ALDH9A1: variants seen among roughly 807,000 people sequenced by gnomAD.
ALDH9A1 encodes the protein aldehyde dehydrogenase 9 family member A1.
In ALDH9A1, 42 loss-of-function variants were observed where a neutral mutation model predicts 56.6. The ratio of observed to expected loss-of-function variants is 0.74; its 90% CI spans 0.58 to 0.96. ALDH9A1 has a LOEUF of 0.96. Among genes scored for constraint, ALDH9A1 ranks in the 40% least tolerant of loss-of-function variants. The pLI is 0.00. For synonymous variants in ALDH9A1, 242 were observed against 236.0 expected, an observed-to-expected ratio of 1.03 and a Z score of -0.23; for missense variants, 661 against 651.5, an observed-to-expected ratio of 1.01 and a Z score of -0.16.
At chr1:165,665,776 G>A (rs1266421424) in intron 9 of ALDH9A1, among the ~76,000 whole-genome samples, 1 of 152,192 alleles carries the variant, frequency 6.6e-6, no homozygotes, top group Admixed American at 6.5e-5. Flanking sequence ...TGGTGAGGAT[G>A]TGGACAAATT....
Position 165,683,706 on chromosome 1 carries a change from A to C in ALDH9A1, c.328-596T>G, listed in dbSNP as rs1383889920. Among the ~76,000 whole-genome samples, 5 of 152,376 alleles carry C rather than the reference A, an allele frequency of 3.3e-5. No homozygotes were observed. The East Asian group carries it at 9.6e-4, about 29-fold the overall frequency. ...ATATTCTCTTCTAATATTTTCTAATACTTAGCATTCAATCAATACTATTTT... is the reference window on the plus strand; with the variant it reads ...ATATTCTCTTCTAATATTTTCTAATCCTTAGCATTCAATCAATACTATTTT... On this transcript the variant is annotated intron_variant, in intron 2 of 10. Coordinates refer to ENST00000354775, the MANE Select transcript of ALDH9A1 (RefSeq NM_000696.4).
At chr1:165,684,299 A>T (rs1430444501) in intron 2 of ALDH9A1, among the ~76,000 whole-genome samples, 2 of 152,194 alleles carry the variant, frequency 1.3e-5, no homozygotes, top group African/African-American at 2.4e-5. Flanking sequence ...CACATTTTAA[A>T]TCAATATTGC....
chr1:165,669,813 C>G (rs1649121588), intron 6 of ALDH9A1, among the ~76,000 whole-genome samples: 1 of 152,052 alleles, frequency 6.6e-6, no homozygotes, highest in Non-Finnish European at 1.5e-5. Context: ...TAACAGTAAA[C>G]CTATATCAAG....
In ALDH9A1 at chr1:165,683,089, T is replaced by C. The variant is rs947307751; in HGVS notation, c.349A>G (p.Thr117Ala). The C allele has an allele frequency of 8.1e-6, 13 of 1,614,080 alleles. No homozygotes were observed. The highest frequency in any genetic ancestry group is 1.1e-5 in the South Asian group (1 of 91,078). The change falls in exon 3 of 11, where the codon ACT (threonine) becomes GCT (alanine). Residue 117 changes from threonine to alanine, a missense_variant. Coordinates refer to ENST00000354775, the MANE Select transcript of ALDH9A1 (RefSeq NM_000696.4). ...TTGCCATTGTTGATGCACTCCATAG[T>C]AGCAATTTCATCCTCCCGTTCCTTT... ...IIREREDEIA[T>A]MECINNGKSI... is the part of the protein sequence containing the mutation.
At chr1:165,676,696 C>A in intron 6 of ALDH9A1, 2 of 450,446 alleles carry the variant, frequency 4.4e-6, no homozygotes, top group Non-Finnish European at 8.6e-6. Flanking sequence ...GAAGCACCAG[C>A]CTACTCCACC....
intron 2 of ALDH9A1, among the ~76,000 whole-genome samples, chr1:165,687,843 C>T (rs56946978): frequency 0.036 from 5,449 of 151,898 alleles, 324 homozygotes; most frequent in African/African-American, 0.12. Flanking sequence ...CAAAAATTAG[C>T]CAGGCATGGT....
At chr1:165,683,170 A>G in intron 2 of ALDH9A1, 60 bp from the exon 3 acceptor site, 1 of 1,544,848 alleles carries the variant, frequency 6.5e-7, no homozygotes, top group Non-Finnish European at 8.9e-7. Context: ...GATGTAATTA[A>G]TGCTTAAATA....
intron 7 of ALDH9A1, 110 bp from the exon 8 acceptor site, chr1:165,669,123 A>G: frequency 5.3e-6 from 7 of 1,316,620 alleles, no homozygotes; most frequent in Non-Finnish European, 7.4e-6. Flanking sequence ...GTGCAGGTAC[A>G]AAGCAGAACA....
At chr1:165,669,656 C>A (rs1408364840) in intron 6 of ALDH9A1, among the ~76,000 whole-genome samples, 2 of 152,090 alleles carry the variant, frequency 1.3e-5, no homozygotes, top group Non-Finnish European at 2.9e-5. Context: ...CAAGCAAAAT[C>A]TGCCCTTTGA....
intron 6 of ALDH9A1, among the ~76,000 whole-genome samples, chr1:165,672,256 T>C (rs1489546822): frequency 6.6e-6 from 1 of 152,196 alleles, no homozygotes; most frequent in Non-Finnish European, 1.5e-5. Flanking sequence ...AAATGTGGTA[T>C]GTGTGTGCTG....
At chr1:165,694,053 C>T (rs534601934) in intron 2 of ALDH9A1, among the ~76,000 whole-genome samples, 1 of 50,438 alleles carries the variant, frequency 2.0e-5, no homozygotes, top group East Asian at 5.0e-4. Flanking sequence ...CATCACACAC[C>T]GGGGCCGTAG....
At chr1:165,693,152 T>C (rs549575094) in intron 2 of ALDH9A1, among the ~76,000 whole-genome samples, 2 of 152,288 alleles carry the variant, frequency 1.3e-5, no homozygotes, top group Non-Finnish European at 2.9e-5. Context: ...GACACAGGCA[T>C]GGGCAAGGAC....
intron 4 of ALDH9A1, among the ~76,000 whole-genome samples, chr1:165,681,745 G>A (rs1649558200): frequency 6.6e-6 from 1 of 152,156 alleles, no homozygotes; most frequent in African/African-American, 2.4e-5. Context: ...CGTAAATGAA[G>A]TCAAACTCCT....
At chr1:165,667,215 A>C in intron 9 of ALDH9A1, 94 bp downstream of exon 9, 1 of 1,510,010 alleles carries the variant, frequency 6.6e-7, no homozygotes, top group Non-Finnish European at 8.9e-7. Flanking sequence ...CTATGAGGGC[A>C]AACTAAAGTG....
intron 6 of ALDH9A1, among the ~76,000 whole-genome samples, chr1:165,677,061 T>TA (rs1293310351): frequency 6.6e-6 from 1 of 151,792 alleles, no homozygotes; most frequent in Non-Finnish European, 1.5e-5. Context: ...TTCTAAATCA[T>TA]AAAAAAAAGT....
intron 2 of ALDH9A1, among the ~76,000 whole-genome samples, chr1:165,694,208 TAA>T (rs755415401): frequency 2.4e-4 from 28 of 114,436 alleles, no homozygotes; most frequent in Non-Finnish European, 2.1e-4. Context: ...AACTTAAGTA[TAA>T]AAAAAAAAAA....
In ALDH9A1 at chr1:165,687,880, C is replaced by T. The variant is rs138746795; in HGVS notation, c.328-4770G>A. 2.1e-3 allele frequency among the ~76,000 whole-genome samples: 326 copies of T among 151,886 alleles called. 10 individuals carry two copies. The East Asian group carries it at 0.052, about 24-fold the overall frequency. On this transcript the variant is annotated intron_variant, in intron 2 of 10. Coordinates refer to ENST00000354775, the MANE Select transcript of ALDH9A1 (RefSeq NM_000696.4). Reference sequence around the variant, plus strand: ...GCACACATTTGTAATCCCAGCTACTCGGGAGGCTGAGGCAGGAGAATCACT... The same window carrying T: ...GCACACATTTGTAATCCCAGCTACTTGGGAGGCTGAGGCAGGAGAATCACT...
intron 6 of ALDH9A1, among the ~76,000 whole-genome samples, chr1:165,675,257 CTCTCTCTA>C (rs1344487930): frequency 1.3e-5 from 2 of 151,506 alleles, no homozygotes; most frequent in Admixed American, 6.6e-5. Context: ...TGCTCTCTCT[CTCTCTCTA>C]TATATATATA....
rs761570820 is a variant in ALDH9A1, at chr1:165,667,286, TCTCA to T, written c.1349+19_1349+22del. On this transcript the variant is annotated intron_variant, in intron 9 of 10. Transcript: ENST00000354775. ...TGCAGCCCCGCTCCTTCAAAACTGC[TCTCA>T]GTGTCCCACTCCACATACCTGGTAA... 1.9e-6 allele frequency: 3 copies of T among 1,613,614 alleles called. No individual in the cohort carries two copies. The highest frequency in any genetic ancestry group is 2.5e-6 in the Non-Finnish European group (3 of 1,179,714).
Sources: gnomAD v4.1 joint callset for allele counts (sites outside exome capture counted in the v4.1 genomes callset) on GRCh38, gnomAD v4.1.1 for gene constraint, MANE v1.5 for transcripts, NCBI Gene and HGNC (gene_info 2026-07-23, HGNC 2026-07-21) for gene names.